Variants in JAKMIP2 observed in about 807,000 individuals in gnomAD.
JAKMIP2 encodes janus kinase and microtubule-interacting protein 2.
In JAKMIP2, 25 loss-of-function variants were observed where a neutral mutation model predicts 115.0. The observed-to-expected ratio is 0.22, with a 90% CI of 0.16 to 0.30. The LOEUF is 0.30. Ranked by LOEUF, JAKMIP2 falls within the 10% of genes least tolerant of loss-of-function variation. The pLI is 1.00. For missense variants in JAKMIP2, 642 were observed against 957.6 expected (o/e 0.67, Z 4.35); for synonymous variants, 334 against 343.6 (o/e 0.97, Z 0.31).
intron 20 of JAKMIP2, among the ~76,000 whole-genome samples, chr5:147,605,935 T>C (rs1755986747): frequency 6.6e-6 from 1 of 152,188 alleles, no homozygotes; most frequent in Non-Finnish European, 1.5e-5. Flanking sequence ...TAATGACCAG[T>C]GATGATGAGC....
intron 21 of JAKMIP2, among the ~76,000 whole-genome samples, chr5:147,597,408 A>C (rs935399311): frequency 7.9e-5 from 12 of 152,328 alleles, no homozygotes; most frequent in Admixed American, 7.2e-4. Flanking sequence ...AAGTTCAAAA[A>C]TTTATGGTTA....
At chr5:147,768,037 C>A (rs934381038) in intron 1 of JAKMIP2, among the ~76,000 whole-genome samples, 2 of 152,036 alleles carry the variant, frequency 1.3e-5, no homozygotes. Context: ...TCTTTTTTAA[C>A]TTTAAGGCAA....
chr5:147,720,467 C>A (rs1753222919), intron 1 of JAKMIP2, among the ~76,000 whole-genome samples: 1 of 147,210 alleles, frequency 6.8e-6, no homozygotes, highest in South Asian at 2.3e-4. Flanking sequence ...TCCATTCTCC[C>A]CATCACTTTC....
At chr5:147,692,452 C>T (rs993725545) in intron 1 of JAKMIP2, among the ~76,000 whole-genome samples, 10 of 152,158 alleles carry the variant, frequency 6.6e-5, no homozygotes, top group African/African-American at 2.4e-4. Flanking sequence ...ACAGATCTTC[C>T]TGAGATTTTC....
chr5:147,596,880 T>C (rs1755415957), intron 21 of JAKMIP2, among the ~76,000 whole-genome samples: 1 of 152,106 alleles, frequency 6.6e-6, no homozygotes, highest in Non-Finnish European at 1.5e-5. Context: ...TACTTTATTT[T>C]TTTGGTGGGG....
At chr5:147,734,642 T>C (rs1449149193) in intron 1 of JAKMIP2, among the ~76,000 whole-genome samples, 4 of 148,682 alleles carry the variant, frequency 2.7e-5, no homozygotes, top group African/African-American at 1.0e-4. Flanking sequence ...CCAGAACTTA[T>C]ACTATAATAC....
At chr5:147,772,319 C>T (rs916505675) in intron 1 of JAKMIP2, among the ~76,000 whole-genome samples, 1 of 151,622 alleles carries the variant, frequency 6.6e-6, no homozygotes, top group African/African-American at 2.4e-5. Context: ...ACAGATAATT[C>T]ATTTTTAGCA....
At chr5:147,609,140 C>T (rs554288014) in intron 20 of JAKMIP2, among the ~76,000 whole-genome samples, 2 of 152,270 alleles carry the variant, frequency 1.3e-5, no homozygotes, top group South Asian at 4.1e-4. Flanking sequence ...ATTTGCCAGT[C>T]TGTGCCTTTT....
Position 147,637,170 on chromosome 5 carries a change from A to G in JAKMIP2, c.1531-122T>C, listed in dbSNP as rs1757653983. 4 of 683,248 alleles carry G rather than the reference A, an allele frequency of 5.9e-6. No individual in the cohort carries two copies. In the Admixed American group the frequency reaches 1.0e-4, roughly 17 times the overall value. 42.3% of individuals were successfully genotyped at this position (683,248 alleles called of 1,614,324 possible). ...AAAGAAGAATTTTCTATGACAAAAG[A>G]ATCTTTCTGATCTAAATTCTTGTTT... On this transcript the variant is annotated intron_variant, in intron 10 of 21. Coordinates refer to ENST00000616793, the MANE Select transcript of JAKMIP2 (RefSeq NM_001270941.2).
intron 5 of JAKMIP2, among the ~76,000 whole-genome samples, chr5:147,645,944 A>G (rs1159523): frequency 0.27 from 40,694 of 152,094 alleles, 7,506 homozygotes; most frequent in East Asian, 0.58. Context: ...TGTATATTTC[A>G]TGATCATCCT....
At chr5:147,669,419 C>A (rs1018495376) in intron 2 of JAKMIP2, among the ~76,000 whole-genome samples, 2 of 152,164 alleles carry the variant, frequency 1.3e-5, no homozygotes, top group African/African-American at 2.4e-5. Flanking sequence ...GCTTGGCCTG[C>A]GGGCTTAGAC....
At chr5:147,718,260 T>G (rs1462506104) in intron 1 of JAKMIP2, among the ~76,000 whole-genome samples, 5 of 151,130 alleles carry the variant, frequency 3.3e-5, no homozygotes, top group Non-Finnish European at 7.4e-5. Flanking sequence ...AGTATTTTAT[T>G]GAGGATTTTT....
Position 147,618,687 on chromosome 5 carries a change from G to A in JAKMIP2, c.2143-573C>T, listed in dbSNP as rs746274593. ...CGAGAGGCGGAAGTTGCAGTGAGCC[G>A]AGATCACGCATTGCACTCTGGTCTG... On this transcript the variant is annotated intron_variant, in intron 18 of 21. Transcript: ENST00000616793. Among the ~76,000 whole-genome samples, 8 of 152,124 alleles carry A rather than the reference G, an allele frequency of 5.3e-5. No homozygotes were observed. In the South Asian group the frequency reaches 1.0e-3, roughly 20 times the overall value.
chr5:147,634,323 A>G (rs1757508599), intron 12 of JAKMIP2, among the ~76,000 whole-genome samples: 1 of 152,158 alleles, frequency 6.6e-6, no homozygotes, highest in Admixed American at 6.5e-5. Flanking sequence ...GATTTTTTTT[A>G]TGATAAAGAA....
chr5:147,763,134 A>G (rs1032170363), intron 1 of JAKMIP2, among the ~76,000 whole-genome samples: 1 of 152,112 alleles, frequency 6.6e-6, no homozygotes, highest in Admixed American at 6.6e-5. Context: ...ACAGGCAGCC[A>G]GTTTGTTCAC....
intron 1 of JAKMIP2, among the ~76,000 whole-genome samples, chr5:147,680,013 T>C (rs971389536): frequency 6.6e-6 from 1 of 152,196 alleles, no homozygotes; most frequent in African/African-American, 2.4e-5. Context: ...TTGAATAAAA[T>C]TTCCTAGCTG....
chr5:147,654,843 T>C (rs1758597476), intron 3 of JAKMIP2, among the ~76,000 whole-genome samples: 1 of 152,172 alleles, frequency 6.6e-6, no homozygotes, highest in Non-Finnish European at 1.5e-5. Context: ...ATATTGGCTA[T>C]GGGTTTGTCA....
At chr5:147,609,747 C>G (rs527727267) in intron 20 of JAKMIP2, among the ~76,000 whole-genome samples, 1 of 152,274 alleles carries the variant, frequency 6.6e-6, no homozygotes, top group South Asian at 2.1e-4. Flanking sequence ...GGGAAGTTCT[C>G]CCGGATAATT....
intron 10 of JAKMIP2, among the ~76,000 whole-genome samples, chr5:147,638,152 C>T (rs1479363962): frequency 6.6e-6 from 1 of 152,008 alleles, no homozygotes; most frequent in Non-Finnish European, 1.5e-5. Context: ...ACGATGCTTT[C>T]ATCTGTATTA....
Sources: allele counts gnomAD v4.1 joint callset (sites outside exome capture counted in the v4.1 genomes callset), GRCh38; gene constraint gnomAD v4.1.1; transcripts MANE v1.5; gene names NCBI Gene and HGNC (gene_info 2026-07-23, HGNC 2026-07-21).